Variants in WDFY2 observed in about 807,000 individuals in gnomAD.
The protein encoded by WDFY2 is WD repeat and FYVE domain-containing protein 2.
Under a neutral mutation model 56.4 loss-of-function variants are expected in WDFY2, and 36 were observed. The observed-to-expected ratio is 0.64, with a 90% confidence interval of 0.49 to 0.84. WDFY2 has a LOEUF of 0.84. WDFY2 is among the 40% of genes least tolerant of loss of function. The pLI, the probability that WDFY2 is intolerant of heterozygous loss-of-function variation, is 0.00. For synonymous variants in WDFY2, 176 were observed against 183.7 expected (o/e 0.96, Z 0.34); for missense variants, 444 against 512.2 (o/e 0.87, Z 1.29).
In WDFY2 at chr13:51,765,708, A is replaced by C. The variant is rs979116432; in HGVS notation, c.*5939A>C. The C allele has an allele frequency of 6.6e-6, 1 of 152,152 alleles. No homozygotes were observed. The highest frequency in any genetic ancestry group is 1.5e-5 in the Non-Finnish European group (1 of 68,030). The allele number at this position is 152,152 out of a possible 1,614,324, so 9.4% of individuals were successfully genotyped here. ...TCATATCAAGTGAGTTGCTTTCTGG[A>C]CTTTTTCCATCTAGAGCCTGCTAGG... On this transcript the variant is annotated 3_prime_UTR_variant, in exon 12 of 12. Coordinates refer to ENST00000298125, the MANE Select transcript of WDFY2 (RefSeq NM_052950.4).
At chr13:51,613,067 G>A (rs564759231) in intron 1 of WDFY2, among the ~76,000 whole-genome samples, 175 of 152,140 alleles carry the variant, frequency 1.2e-3, no homozygotes, top group Middle Eastern at 3.4e-3. Flanking sequence ...GTGCGGTGGT[G>A]CATGCCTGTA....
At chr13:51,650,617 G>T (rs1260576351) in intron 1 of WDFY2, among the ~76,000 whole-genome samples, 1 of 152,152 alleles carries the variant, frequency 6.6e-6, no homozygotes, top group African/African-American at 2.4e-5. Flanking sequence ...AGAGTTTTTA[G>T]CATGAAGTGC....
chr13:51,607,830 A>G (rs1954412072), intron 1 of WDFY2, among the ~76,000 whole-genome samples: 1 of 152,184 alleles, frequency 6.6e-6, no homozygotes, highest in African/African-American at 2.4e-5. Context: ...ATTATGTTAC[A>G]TGTAAAAGAG....
chr13:51,727,559 T>C (rs2138654389), intron 5 of WDFY2, 119 bp from the exon 6 acceptor site: 2 of 868,428 alleles, frequency 2.3e-6, no homozygotes, highest in East Asian at 2.6e-5. Context: ...CTTTCAGCAC[T>C]GTCTTCACAT....
intron 4 of WDFY2, among the ~76,000 whole-genome samples, chr13:51,716,554 G>A (rs969849027): frequency 1.1e-4 from 17 of 150,474 alleles, no homozygotes; most frequent in Admixed American, 3.3e-4. Flanking sequence ...TTAGCCGGGC[G>A]TAGTGGCGGG....
intron 3 of WDFY2, among the ~76,000 whole-genome samples, chr13:51,700,658 A>G (rs1381905857): frequency 6.6e-6 from 1 of 152,232 alleles, no homozygotes; most frequent in East Asian, 1.9e-4. Context: ...AGATTCATCA[A>G]TAAAGGAATA....
At chr13:51,707,989 C>G (rs1952124168) in intron 4 of WDFY2, among the ~76,000 whole-genome samples, 2 of 93,496 alleles carry the variant, frequency 2.1e-5, no homozygotes. Flanking sequence ...GAGTCTTGCT[C>G]TGTCACCCAG....
At chr13:51,666,222 G>A (rs1955697702) in intron 2 of WDFY2, among the ~76,000 whole-genome samples, 1 of 152,216 alleles carries the variant, frequency 6.6e-6, no homozygotes, top group South Asian at 2.1e-4. Flanking sequence ...TTTCCCACTT[G>A]TGTTAGCCCT....
At chr13:51,670,340 A>G (rs548514386) in intron 2 of WDFY2, among the ~76,000 whole-genome samples, 1 of 152,270 alleles carries the variant, frequency 6.6e-6, no homozygotes, top group South Asian at 2.1e-4. Context: ...ACTTTACTGT[A>G]ACAACAAATC....
chr13:51,645,091 G>C (rs1955239803), intron 1 of WDFY2, among the ~76,000 whole-genome samples: 1 of 151,584 alleles, frequency 6.6e-6, no homozygotes, highest in Non-Finnish European at 1.5e-5. Context: ...AATCAGCTAT[G>C]TTTTCTAAGA....
intron 2 of WDFY2, among the ~76,000 whole-genome samples, chr13:51,665,243 T>A (rs1426184271): frequency 6.6e-6 from 1 of 152,202 alleles, no homozygotes; most frequent in Admixed American, 6.5e-5. Context: ...TATCAAATAT[T>A]CTTTCAAAAA....
intron 2 of WDFY2, among the ~76,000 whole-genome samples, chr13:51,664,374 C>T (rs769551516): frequency 2.0e-5 from 3 of 152,172 alleles, no homozygotes; most frequent in Non-Finnish European, 4.4e-5. Flanking sequence ...AAATGCTAGT[C>T]TCAGCCTGGG....
chr13:51,720,426 A>T (rs1040516945), intron 5 of WDFY2, among the ~76,000 whole-genome samples: 8 of 152,182 alleles, frequency 5.3e-5, no homozygotes, highest in Non-Finnish European at 1.0e-4. Flanking sequence ...GGATCAGCTC[A>T]TCTTTGAGAG....
intron 11 of WDFY2, among the ~76,000 whole-genome samples, chr13:51,758,763 A>G (rs1298077971): frequency 6.6e-6 from 1 of 152,176 alleles, no homozygotes; most frequent in Non-Finnish European, 1.5e-5. Flanking sequence ...GGTAATACAT[A>G]TGAGAATTTA....
At position 51,675,108 on chromosome 13, in the gene WDFY2, C is replaced by T. The variant is rs1593401412; in HGVS notation, c.206-62C>T. On this transcript the variant is annotated intron_variant, in intron 2 of 11. Coordinates refer to ENST00000298125, the MANE Select transcript of WDFY2 (RefSeq NM_052950.4). ...AGCCCCACACTTTTAGCTAGTTAGG[C>T]ACTCCTGAGTCGATGAGAATCATGG... The T allele has an allele frequency of 2.7e-6, 4 of 1,490,918 alleles. No homozygotes were observed. The East Asian group carries it at 6.8e-5, about 25-fold the overall frequency. 92.4% of individuals were successfully genotyped at this position (1,490,918 alleles called of 1,614,324 possible).
chr13:51,694,856 T>C (rs1433194003), intron 3 of WDFY2, among the ~76,000 whole-genome samples: 1 of 152,006 alleles, frequency 6.6e-6, no homozygotes, highest in Non-Finnish European at 1.5e-5. Context: ...CATAGTCCCA[T>C]ATTTCTTGGA....
At chr13:51,752,381 A>G (rs981094446) in intron 8 of WDFY2, among the ~76,000 whole-genome samples, 3 of 152,238 alleles carry the variant, frequency 2.0e-5, no homozygotes, top group Admixed American at 2.0e-4. Context: ...ATTTGGCACC[A>G]TTAATACAAA....
At chr13:51,662,063 C>T (rs996351179) in intron 2 of WDFY2, among the ~76,000 whole-genome samples, 4 of 152,046 alleles carry the variant, frequency 2.6e-5, no homozygotes, top group East Asian at 1.9e-4. Context: ...CTCCACCTCC[C>T]GGGTTCAAGC....
At chr13:51,743,379 C>T (rs916350829) in intron 7 of WDFY2, among the ~76,000 whole-genome samples, 1 of 152,122 alleles carries the variant, frequency 6.6e-6, no homozygotes, top group Middle Eastern at 3.2e-3. Context: ...TTCTGATCTT[C>T]AGTTTTCTTA....
Sources: allele counts gnomAD v4.1 joint callset (sites outside exome capture counted in the v4.1 genomes callset), GRCh38; gene constraint gnomAD v4.1.1; transcripts MANE v1.5; gene names NCBI Gene and HGNC (gene_info 2026-07-23, HGNC 2026-07-21).